TACR2: variants seen among roughly 807,000 people sequenced by gnomAD.
The protein encoded by TACR2 is tachykinin receptor 2.
Under a neutral mutation model 28.9 loss-of-function variants are expected in TACR2, and 24 were observed. The ratio of observed to expected loss-of-function variants is 0.83; its 90% CI spans 0.60 to 1.17. The LOEUF is 1.17. TACR2 is among the 50% of genes most tolerant of loss of function. The pLI, the probability that TACR2 is intolerant of heterozygous loss-of-function variation, is 0.00. For missense variants in TACR2, 487 were observed against 524.4 expected (o/e 0.93, Z 0.70); for synonymous variants, 222 against 212.6 (o/e 1.04, Z -0.38).
chr10:69,412,697 G>A (rs1840579402), intron 2 of TACR2, among the ~76,000 whole-genome samples: 1 of 152,130 alleles, frequency 6.6e-6, no homozygotes, highest in African/African-American at 2.4e-5. Flanking sequence ...AAAAGGAGGA[G>A]GCCATCTCTA....
In TACR2 at chr10:69,414,022, C is replaced by T. The variant is rs570039799; in HGVS notation, c.587+923G>A. ...CCTCCGGCCACGTGGGACCAGGCCA[C>T]GACTTGGGCCTGACTGAGCCCAGAA... On this transcript the variant is annotated intron_variant, in intron 2 of 4. Coordinates refer to ENST00000373306, the MANE Select transcript of TACR2 (RefSeq NM_001057.3). Among the ~76,000 whole-genome samples, 229 of 152,304 alleles carry T rather than the reference C, an allele frequency of 1.5e-3. 1 individual carries two copies. The highest frequency in any genetic ancestry group is 5.2e-3 in the African/African-American group (216 of 41,560).
At chr10:69,414,698 C>T (rs949249655) in intron 2 of TACR2, among the ~76,000 whole-genome samples, 1 of 152,110 alleles carries the variant, frequency 6.6e-6, no homozygotes, top group African/African-American at 2.4e-5. Flanking sequence ...ATATATATCC[C>T]ACATAGTTAG....
At position 69,408,881 on chromosome 10, in the gene TACR2, TCCAGGCCCCGCCCCCTCCAGGCCCCCG is replaced by T; in HGVS notation, c.741+14_741+40del. 7.9e-5 allele frequency: 2 copies of T among 25,338 alleles called. No individual in the cohort carries two copies. Among genetic ancestry groups the T allele is most frequent in the Non-Finnish European group, 1.2e-4 (2 of 17,228 alleles). 1.6% of individuals were successfully genotyped at this position (25,338 alleles called of 1,614,324 possible). ...TCGCCCCCGCCAGCCCCCCGCCCCC[TCCAGGCCCCGCCCCCTCCAGGCCCCCG>T]CCCCCGCGCCCACCTTCTTCATGGC... On this transcript the variant is annotated intron_variant, in intron 3 of 4. Transcript: ENST00000373306.
At chr10:69,408,822 GTCCCA>G (rs2133005762) in intron 3 of TACR2, 95 bp downstream of exon 3, 1 of 11,538 alleles carries the variant, frequency 8.7e-5, no homozygotes, top group African/African-American at 3.7e-4. Flanking sequence ...TCCCACCCCC[GTCCCA>G]CCCCGTCCGG....
chr10:69,405,241 C>T (rs552839640), intron 4 of TACR2, among the ~76,000 whole-genome samples, 157 bp from the exon 5 acceptor site: 16 of 152,252 alleles, frequency 1.1e-4, no homozygotes, highest in South Asian at 6.2e-4. Context: ...GAGATGCCTT[C>T]GTGGGTGAGT....
rs1475716162 is a variant in TACR2, at chr10:69,408,956, C to T, written c.707G>A (p.Gly236Asp). The change falls in exon 3 of 5, where the codon GGT (glycine) becomes GAT (aspartate). Residue 236 changes from glycine to aspartate, a missense_variant. Physicochemically the swap from Gly to Asp is moderately conservative, Grantham distance 94. Coordinates refer to ENST00000373306, the MANE Select transcript of TACR2 (RefSeq NM_001057.3). ...GGCCTGCAGGTGGCGCAGGTTGGCA[C>T]CGTGCGCCTGATGTCCGGGCACTGC... is the stretch of plus-strand genomic sequence containing the variant. ...RRAVPGHQAH[G>D]ANLRHLQAMK... is the part of the protein sequence containing the mutation. The T allele has an allele frequency of 1.3e-6, 2 of 1,593,654 alleles. No homozygotes were observed. Among genetic ancestry groups the T allele is most frequent in the African/African-American group, 1.4e-5 (1 of 73,052 alleles).
intron 1 of TACR2, among the ~76,000 whole-genome samples, 179 bp from the exon 2 acceptor site, chr10:69,415,318 A>G (rs1840604405): frequency 6.6e-6 from 1 of 152,176 alleles, no homozygotes; most frequent in Non-Finnish European, 1.5e-5. Flanking sequence ...ACTCTCCCAC[A>G]GCCACACAGC....
At position 69,407,314 on chromosome 10, in the gene TACR2, G is replaced by C. The variant is rs145967243; in HGVS notation, c.742-34C>G. On this transcript the variant is annotated intron_variant, in intron 3 of 4. Transcript: ENST00000373306. ...GGAGAGGCTCAAGTTACTTCTTAGTGCCCAAGCCCCAGCCCCAGCCCTCCG... is the reference window on the plus strand; with the variant it reads ...GGAGAGGCTCAAGTTACTTCTTAGTCCCCAAGCCCCAGCCCCAGCCCTCCG... 3.4e-4 allele frequency: 535 copies of C among 1,579,562 alleles called. 3 individuals carry two copies. The African/African-American group carries it at 6.7e-3, about 20-fold the overall frequency.
chr10:69,413,456 A>G (rs1320234637), intron 2 of TACR2, among the ~76,000 whole-genome samples: 1 of 152,190 alleles, frequency 6.6e-6, no homozygotes, highest in Non-Finnish European at 1.5e-5. Context: ...GGCCGGTCTC[A>G]ATATGTTCTG....
intron 2 of TACR2, among the ~76,000 whole-genome samples, chr10:69,409,859 GTATATGTATATATATATATA>G (rs1373004485): frequency 0.022 from 1,515 of 69,912 alleles, 54 homozygotes; most frequent in African/African-American, 0.081. Flanking sequence ...ATATGTATAT[GTATATGTATATATATATATA>G]TACATATATA....
intron 2 of TACR2, among the ~76,000 whole-genome samples, chr10:69,411,436 C>T (rs1840568664): frequency 1.3e-5 from 2 of 152,138 alleles, no homozygotes; most frequent in African/African-American, 4.8e-5. Context: ...CTGAAAAGAC[C>T]CCCTTCTTGC....
rs1840479979 is a variant in TACR2 at position 69,403,988 on chromosome 10, TG to T, written c.*837del. 1 of 152,272 alleles carries T rather than the reference TG, an allele frequency of 6.6e-6. No homozygotes were observed. The highest frequency in any genetic ancestry group is 6.5e-5 in the Admixed American group (1 of 15,294). 9.4% of individuals were successfully genotyped at this position (152,272 alleles called of 1,614,324 possible). A position where few individuals can be genotyped will look rare whatever the true frequency, so the allele number is the denominator to read the frequency against. ...GCTCCCATTATCATGTGGCAACGTT[TG>T]TCCAGAGCTGAGTAGTTCTTGTCCC... is the stretch of plus-strand genomic sequence containing the variant. On this transcript the variant is annotated 3_prime_UTR_variant, in exon 5 of 5. Coordinates refer to ENST00000373306, the MANE Select transcript of TACR2 (RefSeq NM_001057.3).
At chr10:69,408,779 GTCAGGCCCCGT>G in intron 3 of TACR2, 132 bp downstream of exon 3, 1 of 519,938 alleles carries the variant, frequency 1.9e-6, no homozygotes, top group Non-Finnish European at 2.6e-6. Flanking sequence ...CCAGGGCGGG[GTCAGGCCCCGT>G]CCCGCCCCCG....
intron 2 of TACR2, chr10:69,409,338 C>A (rs922988332): frequency 1.7e-5 from 6 of 343,670 alleles, no homozygotes; most frequent in Non-Finnish European, 2.6e-5. Flanking sequence ...GTGATAGACA[C>A]GTGTCAAAAA....
intron 2 of TACR2, among the ~76,000 whole-genome samples, chr10:69,410,518 C>G (rs916007595): frequency 1.1e-5 from 1 of 89,046 alleles, no homozygotes; most frequent in Non-Finnish European, 2.1e-5. Context: ...GAGACCCTGT[C>G]AAAAAAAAAA....
intron 2 of TACR2, among the ~76,000 whole-genome samples, chr10:69,409,913 A>ATATATATATG (rs1554827805): frequency 3.7e-5 from 1 of 27,376 alleles, no homozygotes. Context: ...ACATATATAT[A>ATATATATATG]TATATATATA....
At chr10:69,414,459 T>C (rs1485323747) in intron 2 of TACR2, among the ~76,000 whole-genome samples, 1 of 152,220 alleles carries the variant, frequency 6.6e-6, no homozygotes, top group Non-Finnish European at 1.5e-5. Context: ...TACAGTCACA[T>C]ACACGTGTGC....
chr10:69,408,812 T>TCCCACCCCCGTCCCACCCCCGG (rs1840530348), intron 3 of TACR2, 110 bp downstream of exon 3: 1 of 37,982 alleles, frequency 2.6e-5, no homozygotes, highest in Admixed American at 2.8e-4. Flanking sequence ...CCCGCCCCCG[T>TCCCACCCCCGTCCCACCCCCGG]CCCACCCCCG....
At position 69,405,525 on chromosome 10, in the gene TACR2, A is replaced by G. The variant is rs80128851; in HGVS notation, c.939-441T>C. 1.3e-3 allele frequency among the ~76,000 whole-genome samples: 198 copies of G among 152,320 alleles called. 4 individuals carry two copies. In the East Asian group the frequency reaches 0.035, roughly 27 times the overall value. On this transcript the variant is annotated intron_variant, in intron 4 of 4. Transcript: ENST00000373306. The stretch of plus-strand genomic sequence containing the variant: ...GAACAAGGATGCTTTTCCCAAGGGG[A>G]CTACATTGAAAAACCCACACTCGGA...
Sources: gnomAD v4.1 joint callset for allele counts (sites outside exome capture counted in the v4.1 genomes callset) on GRCh38, gnomAD v4.1.1 for gene constraint, MANE v1.5 for transcripts, NCBI Gene and HGNC (gene_info 2026-07-23, HGNC 2026-07-21) for gene names.